The following CASZ1 variants were observed in gnomAD, a reference collection of about 807,000 sequenced individuals.
CASZ1 encodes the protein castor zinc finger 1, also known as zinc finger protein castor homolog 1.
Under a neutral mutation model 135.2 loss-of-function variants are expected in CASZ1, and 28 were observed. That is an observed-to-expected ratio of 0.21 (90% CI 0.15 to 0.28). CASZ1 has a LOEUF of 0.28. Among genes scored for constraint, CASZ1 ranks in the 10% least tolerant of loss-of-function variants. The pLI, the probability that CASZ1 is intolerant of heterozygous loss-of-function variation, is 1.00. For missense variants in CASZ1, 2,161 were observed against 2,453.3 expected, an observed-to-expected ratio of 0.88 and a Z score of 2.52; for synonymous variants, 1,068 against 1,073.4, an observed-to-expected ratio of 0.99 and a Z score of 0.10.
chr1:10,664,247 G>A (rs375791402), intron 5 of CASZ1, among the ~76,000 whole-genome samples: 14 of 152,066 alleles, frequency 9.2e-5, no homozygotes, highest in South Asian at 4.1e-4. Context: ...GCAGGGCACC[G>A]GGCACAAGGC....
Position 10,707,916 on chromosome 1 carries a change from G to GC in CASZ1, c.-76-2373dup, listed in dbSNP as rs776717164. On this transcript the variant is annotated intron_variant, in intron 2 of 20. Coordinates refer to ENST00000377022, the MANE Select transcript of CASZ1 (RefSeq NM_001079843.3). This position sits in a 1 kb window ranked among gnomAD's most constrained non-coding sequence, Gnocchi z 5.0. ...TGGGAAGACCCAGAGGACAGCAGGG[G>GC]CCCTACACTCAGCGGGGCTGAAGTG... is the stretch of plus-strand genomic sequence containing the variant. 7.6e-4 allele frequency among the ~76,000 whole-genome samples: 115 copies of GC among 152,240 alleles called. No individual in the cohort carries two copies. Among genetic ancestry groups the GC allele is most frequent in the Middle Eastern group, 6.8e-3 (2 of 294 alleles).
chr1:10,715,697 T>G (rs1232055549), intron 2 of CASZ1, among the ~76,000 whole-genome samples: 1 of 111,590 alleles, frequency 9.0e-6, no homozygotes. Context: ...CAGCACCCAA[T>G]CCACACCCCA....
At chr1:10,673,603 C>G (rs1643475034) in intron 4 of CASZ1, among the ~76,000 whole-genome samples, 2 of 152,224 alleles carry the variant, frequency 1.3e-5, no homozygotes, top group Admixed American at 1.3e-4. Flanking sequence ...CATAAACTTT[C>G]ATTACCCATG....
chr1:10,717,403 T>C lies in CASZ1; in HGVS notation c.-76-11859A>G, dbSNP rs958725426. ...GAGGTTTTTTTTTCTTTTCTTTTCT[T>C]TTTTGCTATTTATCAGCAGGTTGTG... On this transcript the variant is annotated intron_variant, in intron 2 of 20. Coordinates refer to ENST00000377022, the MANE Select transcript of CASZ1 (RefSeq NM_001079843.3). The surrounding 1 kb of genome is among the most constrained non-coding windows in gnomAD (Gnocchi z 4.6). Among the ~76,000 whole-genome samples the C allele has an allele frequency of 2.0e-5, 3 of 152,120 alleles. No homozygotes were observed. The highest frequency in any genetic ancestry group is 2.9e-5 in the Non-Finnish European group (2 of 68,006).
intron 2 of CASZ1, among the ~76,000 whole-genome samples, chr1:10,737,387 G>A (rs1013206999): frequency 2.0e-5 from 3 of 152,166 alleles, no homozygotes; most frequent in African/African-American, 7.2e-5. Context: ...AGAAGTCCCA[G>A]CCCACCGGAG....
At position 10,639,083 on chromosome 1, in the gene CASZ1, C is replaced by CTCGTCG. The variant is rs201089181; in HGVS notation, c.5133_5138dup (p.Asp1711_Asp1712dup). ...ACTCCTCCGAGTCGGTGCGCAGGTC[C>CTCGTCG]TCGTCGTCGTCGTCCTCGTCGTCGT... On this transcript the variant is annotated inframe_insertion, in exon 21 of 21. Coordinates refer to ENST00000377022, the MANE Select transcript of CASZ1 (RefSeq NM_001079843.3). This position sits in a 1 kb window ranked among gnomAD's most constrained non-coding sequence, Gnocchi z 4.0. 11 of 1,146,772 alleles carry CTCGTCG rather than the reference C, an allele frequency of 9.6e-6. No homozygotes were observed. The highest frequency in any genetic ancestry group is 8.8e-6 in the Non-Finnish European group (8 of 910,084). 71.0% of individuals were successfully genotyped at this position (1,146,772 alleles called of 1,614,324 possible).
chr1:10,787,851 G>A (rs1355823142), intron 1 of CASZ1, among the ~76,000 whole-genome samples: 1 of 152,122 alleles, frequency 6.6e-6, no homozygotes, highest in Non-Finnish European at 1.5e-5. Context: ...CTTCCCACCG[G>A]CTCAGGCACC....
chr1:10,754,625 G>A (rs1433368067), intron 2 of CASZ1, among the ~76,000 whole-genome samples: 2 of 152,150 alleles, frequency 1.3e-5, no homozygotes, highest in African/African-American at 4.8e-5. Context: ...CATTTCCAGG[G>A]TCTTTGGAGG....
rs1221321353 is a variant in CASZ1, at chr1:10,647,342, C to A, written c.3497+459G>T. The A allele has an allele frequency of 1.2e-5, 12 of 1,022,902 alleles. No homozygotes were observed. Among genetic ancestry groups the A allele is most frequent in the Non-Finnish European group, 1.4e-5 (12 of 852,362 alleles). The allele number at this position is 1,022,902 out of a possible 1,614,324, so 63.4% of individuals were successfully genotyped here. On this transcript the variant is annotated intron_variant, in intron 16 of 20. Coordinates refer to ENST00000377022, the MANE Select transcript of CASZ1 (RefSeq NM_001079843.3). The surrounding 1 kb of genome is among the most constrained non-coding windows in gnomAD (Gnocchi z 4.9). ...GGTCCCTTCCACCCAAGAGCTCAGA[C>A]CACTGTGCAGGCCAGTGACGGCCTG...
Position 10,694,183 on chromosome 1 carries a change from C to G in CASZ1, c.-23-271G>C. On this transcript the variant is annotated intron_variant, in intron 3 of 20. Transcript: ENST00000377022. The surrounding 1 kb of genome is among the most constrained non-coding windows in gnomAD (Gnocchi z 6.6). ...CGCGGCCCCGGCTTGGGGGCCCTGGCCGGGGGATCCGCGAGGCCCAGGGGC... is the reference window on the plus strand; with the variant it reads ...CGCGGCCCCGGCTTGGGGGCCCTGGGCGGGGGATCCGCGAGGCCCAGGGGC... The G allele has an allele frequency of 3.2e-6, 1 of 307,900 alleles. No homozygotes were observed. Among genetic ancestry groups the G allele is most frequent in the Non-Finnish European group, 4.9e-6 (1 of 204,312 alleles). The allele number at this position is 307,900 out of a possible 1,614,324, so 19.1% of individuals were successfully genotyped here.
At chr1:10,660,577 TGGGA>T in intron 5 of CASZ1, 41 bp from the exon 6 acceptor site, 1 of 1,560,060 alleles carries the variant, frequency 6.4e-7, no homozygotes, top group Non-Finnish European at 8.7e-7. Flanking sequence ...TGGGAGGGAG[TGGGA>T]GGGACAGGAG....
In CASZ1 at chr1:10,776,393, C is replaced by T. The variant is rs1452467173; in HGVS notation, c.-233-15536G>A. On this transcript the variant is annotated intron_variant, in intron 1 of 20. Coordinates refer to ENST00000377022, the MANE Select transcript of CASZ1 (RefSeq NM_001079843.3). This position sits in a 1 kb window ranked among gnomAD's most constrained non-coding sequence, Gnocchi z 4.1. ...CCAGGCCTCCTGCCCAGATGGCGCT[C>T]ACCCCGGGCATGGAGCCTGCCCCTT... is the stretch of plus-strand genomic sequence containing the variant. 3.9e-5 allele frequency among the ~76,000 whole-genome samples: 6 copies of T among 152,376 alleles called. No individual in the cohort carries two copies. The East Asian group carries it at 9.6e-4, about 24-fold the overall frequency.
intron 1 of CASZ1, among the ~76,000 whole-genome samples, chr1:10,775,331 C>T (rs1640644132): frequency 6.6e-6 from 1 of 152,194 alleles, no homozygotes. Context: ...CTATAACCAT[C>T]ATCCAGTTCC....
rs1381243405 is a variant in CASZ1, at chr1:10,655,817, C to T, written c.1501-4G>A. The T allele has an allele frequency of 5.6e-6, 9 of 1,612,530 alleles. No individual in the cohort carries two copies. The highest frequency in any genetic ancestry group is 7.6e-6 in the Non-Finnish European group (9 of 1,178,808). ...CGTCCTGCTTACTCGTGAACCTCTG[C>T]CAGGAGACAGCGCCACGTGGGCAGG... is the stretch of plus-strand genomic sequence containing the variant. On this transcript the variant is annotated splice_region_variant and splice_polypyrimidine_tract_variant and intron_variant, in intron 8 of 20. Coordinates refer to ENST00000377022, the MANE Select transcript of CASZ1 (RefSeq NM_001079843.3).
At chr1:10,690,763 G>A (rs61776331) in intron 4 of CASZ1, among the ~76,000 whole-genome samples, 4 of 152,156 alleles carry the variant, frequency 2.6e-5, no homozygotes, top group Non-Finnish European at 4.4e-5. Flanking sequence ...TGGCTCCTCC[G>A]CGCCTTGGAC....
rs117360158 is a variant in CASZ1 at position 10,794,332 on chromosome 1, C to A, written c.-234+2232G>T. Among the ~76,000 whole-genome samples the A allele has an allele frequency of 1.8e-3, 280 of 152,232 alleles. 11 individuals are homozygous for A. In the East Asian group the frequency reaches 0.049, roughly 27 times the overall value. On this transcript the variant is annotated intron_variant, in intron 1 of 20. Coordinates refer to ENST00000377022, the MANE Select transcript of CASZ1 (RefSeq NM_001079843.3). This position sits in a 1 kb window ranked among gnomAD's most constrained non-coding sequence, Gnocchi z 5.6. ...ACGTCCTAAATTTACTAACTTTGCC[C>A]CGCGACTACCAGGGCCTTTTCCCCC...
chr1:10,650,373 A>G (rs1353246615), intron 13 of CASZ1: 2 of 161,014 alleles, frequency 1.2e-5, no homozygotes, highest in East Asian at 1.7e-4. Flanking sequence ...CAAAAAATAT[A>G]TATAAAATAA....
At position 10,657,966 on chromosome 1, in the gene CASZ1, C is replaced by G. The variant is rs930718690; in HGVS notation, c.1409+542G>C. Reference sequence around the variant, plus strand: ...TGGGCTGTGTCAGAGAGGACGACAGCCCACACCTTCTCTCTCGCTTTCTCT... The same window carrying G: ...TGGGCTGTGTCAGAGAGGACGACAGGCCACACCTTCTCTCTCGCTTTCTCT... On this transcript the variant is annotated intron_variant, in intron 7 of 20. Transcript: ENST00000377022. The surrounding 1 kb of genome is among the most constrained non-coding windows in gnomAD (Gnocchi z 5.7). 6.5e-6 allele frequency: 1 copy of G among 153,918 alleles called. No homozygotes were observed. The highest frequency in any genetic ancestry group is 1.4e-5 in the Non-Finnish European group (1 of 69,294). 9.5% of individuals were successfully genotyped at this position (153,918 alleles called of 1,614,324 possible).
At position 10,647,035 on chromosome 1, in the gene CASZ1, C is replaced by T. The variant is rs902268746; in HGVS notation, c.3498-709G>A. 6.6e-6 allele frequency among the ~76,000 whole-genome samples: 1 copy of T among 151,892 alleles called. No individual in the cohort carries two copies. Among genetic ancestry groups the T allele is most frequent in the Non-Finnish European group, 1.5e-5 (1 of 67,920 alleles). Reference sequence around the variant, plus strand: ...TGGTTGGCAACACTGTAGTCCCCTCCCAGGGGACCCACGGTGGGCACTCTG... The same window carrying T: ...TGGTTGGCAACACTGTAGTCCCCTCTCAGGGGACCCACGGTGGGCACTCTG... On this transcript the variant is annotated intron_variant, in intron 16 of 20. Transcript: ENST00000377022. This position sits in a 1 kb window ranked among gnomAD's most constrained non-coding sequence, Gnocchi z 4.9.
Sources: allele counts gnomAD v4.1 joint callset (sites outside exome capture counted in the v4.1 genomes callset), GRCh38; gene constraint gnomAD v4.1.1; non-coding constraint Gnocchi (gnomAD v3.1); transcripts MANE v1.5; gene names NCBI Gene and HGNC (gene_info 2026-07-23, HGNC 2026-07-21).